Variants in SEMA3C observed in about 807,000 individuals in gnomAD.
SEMA3C encodes semaphorin 3C, also known as semaphorin-3C.
In SEMA3C, 47 loss-of-function variants were observed where a neutral mutation model predicts 89.4. The observed-to-expected ratio is 0.53, with a 90% confidence interval of 0.42 to 0.67. The LOEUF (loss-of-function observed/expected upper bound fraction) is 0.67. SEMA3C is among the 30% of genes least tolerant of loss of function. The pLI is 0.00. For missense variants in SEMA3C, 839 were observed against 929.1 expected, an observed-to-expected ratio of 0.90 and a Z score of 1.26; for synonymous variants, 310 against 320.2, an observed-to-expected ratio of 0.97 and a Z score of 0.34.
At chr7:80,859,098 TA>T (rs1790711513) in intron 2 of SEMA3C, among the ~76,000 whole-genome samples, 1 of 151,228 alleles carries the variant, frequency 6.6e-6, no homozygotes, top group Non-Finnish European at 1.5e-5. Context: ...TCTTAGACCA[TA>T]AATCCAAAAA....
At chr7:80,887,210 G>A (rs1345312162) in intron 2 of SEMA3C, among the ~76,000 whole-genome samples, 1 of 152,114 alleles carries the variant, frequency 6.6e-6, no homozygotes, top group African/African-American at 2.4e-5. Flanking sequence ...TTAAGTGTCT[G>A]CAAAGTTTTA....
intron 5 of SEMA3C, among the ~76,000 whole-genome samples, chr7:80,814,076 T>C (rs1051187896): frequency 1.3e-4 from 19 of 145,550 alleles, no homozygotes; most frequent in Non-Finnish European, 2.6e-4. Flanking sequence ...TCTGTTCCTT[T>C]TTTTTTTCTT....
rs1331279542 is a variant in SEMA3C at position 80,800,651 on chromosome 7, T to C, written c.986+106A>G. ...TAAAATGGAAGGATTACATCCCAAA[T>C]GACATGTAAAATTAAAAGTTGCAGA... On this transcript the variant is annotated intron_variant, in intron 10 of 17. Transcript: ENST00000265361. 4 of 702,164 alleles carry C rather than the reference T, an allele frequency of 5.7e-6. No individual in the cohort carries two copies. The Admixed American group carries it at 8.6e-5, about 15-fold the overall frequency. 43.5% of individuals were successfully genotyped at this position (702,164 alleles called of 1,614,324 possible).
At chr7:80,920,725 C>A (rs1286792548), upstream of SEMA3C, among the ~76,000 whole-genome samples, 1 of 152,120 alleles carries the variant, frequency 6.6e-6, no homozygotes, top group Non-Finnish European at 1.5e-5. Context: ...TGAGAAGATC[C>A]TTGACATAAA....
At chr7:80,889,790 T>C (rs998169174) in intron 2 of SEMA3C, among the ~76,000 whole-genome samples, 12 of 152,148 alleles carry the variant, frequency 7.9e-5, no homozygotes, top group African/African-American at 2.9e-4. Flanking sequence ...TAATGCCTAA[T>C]GATATAAATT....
chr7:80,819,716 T>C (rs1441182821), intron 4 of SEMA3C, among the ~76,000 whole-genome samples: 1 of 152,142 alleles, frequency 6.6e-6, no homozygotes, highest in African/African-American at 2.4e-5. Flanking sequence ...ATTCACCCAA[T>C]GAAACAGAAT....
At chr7:80,912,474 A>T (rs1223869502) in intron 2 of SEMA3C, among the ~76,000 whole-genome samples, 1 of 152,182 alleles carries the variant, frequency 6.6e-6, no homozygotes, top group Non-Finnish European at 1.5e-5. Flanking sequence ...ACTCTATTCT[A>T]GACTCATGTT....
Position 80,802,684 on chromosome 7 carries a change from T to C in SEMA3C, c.897A>G (p.Glu299=). The change falls in exon 9 of 18, where the codon GAA becomes GAG. Residue 299 remains glutamate (E), a synonymous_variant. Coordinates refer to ENST00000265361, the MANE Select transcript of SEMA3C (RefSeq NM_006379.5). The part of the protein sequence containing the change: ...VCSVTDEDGP[E]THFDELEDVF... ...ATGTACCTAATTCATCAAAGTGTGT[T>C]TCTGGGCCGTCTTCATCTGTTACCG... 1 of 1,613,084 alleles carries C rather than the reference T, an allele frequency of 6.2e-7. No homozygotes were observed. The highest frequency in any genetic ancestry group is 8.5e-7 in the Non-Finnish European group (1 of 1,179,180).
intron 11 of SEMA3C, chr7:80,793,385 T>G (rs1296138400): frequency 8.2e-6 from 3 of 364,388 alleles, no homozygotes; most frequent in Non-Finnish European, 1.6e-5. Context: ...TACTTATATG[T>G]TAATATACGT....
At chr7:80,903,764 G>A (rs1439549362) in intron 2 of SEMA3C, among the ~76,000 whole-genome samples, 2 of 152,050 alleles carry the variant, frequency 1.3e-5, no homozygotes, top group African/African-American at 2.4e-5. Flanking sequence ...TATCTACTAC[G>A]TATCACACAT....
chr7:80,908,420 T>C (rs73374898), intron 2 of SEMA3C, among the ~76,000 whole-genome samples: 3,200 of 152,258 alleles, frequency 0.021, 96 homozygotes, highest in African/African-American at 0.069. Context: ...GAAATGAGGA[T>C]TTTGGAAAAC....
chr7:80,790,280 C>T (rs1328858255), intron 11 of SEMA3C, among the ~76,000 whole-genome samples: 3 of 150,370 alleles, frequency 2.0e-5, no homozygotes, highest in Admixed American at 1.3e-4. Flanking sequence ...TGAAATCCCA[C>T]CTCTATAAAA....
chr7:80,841,538 G>T (rs149683786), intron 2 of SEMA3C, among the ~76,000 whole-genome samples: 1 of 152,010 alleles, frequency 6.6e-6, no homozygotes, highest in African/African-American at 2.4e-5. Context: ...TGCTGAACTA[G>T]GCAATGACAG....
intron 2 of SEMA3C, among the ~76,000 whole-genome samples, chr7:80,872,354 T>C (rs1028952019): frequency 1.3e-5 from 2 of 151,882 alleles, no homozygotes; most frequent in Non-Finnish European, 2.9e-5. Flanking sequence ...GTTTTCACCA[T>C]GTTGGCCAGG....
chr7:80,863,010 A>T (rs540214753), intron 2 of SEMA3C, among the ~76,000 whole-genome samples: 1 of 152,176 alleles, frequency 6.6e-6, no homozygotes, highest in Non-Finnish European at 1.5e-5. Context: ...ACACTGGAAA[A>T]CCCTTCTAGA....
intron 10 of SEMA3C, among the ~76,000 whole-genome samples, chr7:80,798,610 T>A (rs1257834139): frequency 6.6e-6 from 1 of 152,222 alleles, no homozygotes; most frequent in Non-Finnish European, 1.5e-5. Flanking sequence ...TATCACAATT[T>A]AACTCAAAGA....
chr7:80,831,057 G>A (rs531092040), intron 2 of SEMA3C, among the ~76,000 whole-genome samples: 27 of 152,194 alleles, frequency 1.8e-4, no homozygotes, highest in East Asian at 1.5e-3. Context: ...TATGATTCAT[G>A]GTTGTGTAAG....
rs1449995090 is a variant in SEMA3C at position 80,754,957 on chromosome 7, G to GTTTTTTTTTTGTTTTTTTTGTT, written c.1643+3373_1643+3374insAACAAAAAAAACAAAAAAAAAA. Among the ~76,000 whole-genome samples, 673 of 108,206 alleles carry GTTTTTTTTTTGTTTTTTTTGTT rather than the reference G, an allele frequency of 6.2e-3. 17 individuals are homozygous for GTTTTTTTTTTGTTTTTTTTGTT. The highest frequency in any genetic ancestry group is 0.021 in the African/African-American group (588 of 28,206). The allele number at this position is 108,206 out of a possible 152,430, so 71.0% of individuals were successfully genotyped here. On this transcript the variant is annotated intron_variant, in intron 15 of 17. Transcript: ENST00000265361. Reference sequence around the variant, plus strand: ...CATGCCTGGCGAATTGTTTTTTTTTGTTTTTTTTTTTTTTGTATTTTTAGT... The same window carrying GTTTTTTTTTTGTTTTTTTTGTT: ...CATGCCTGGCGAATTGTTTTTTTTTGTTTTTTTTTTGTTTTTTTTGTTTTTTTTTTTTTTTTGTATTTTTAGT...
intron 2 of SEMA3C, 139 bp downstream of exon 2, chr7:80,916,540 G>T: frequency 1.5e-6 from 1 of 648,280 alleles, no homozygotes; most frequent in Non-Finnish European, 2.4e-6. Flanking sequence ...AATAGCTATT[G>T]TCCTCCAAAA....
Sources: allele counts gnomAD v4.1 joint callset (sites outside exome capture counted in the v4.1 genomes callset), GRCh38; gene constraint gnomAD v4.1.1; transcripts MANE v1.5; gene names NCBI Gene and HGNC (gene_info 2026-07-23, HGNC 2026-07-21).